NHS: variants seen among roughly 807,000 people sequenced by gnomAD.
NHS encodes the protein actin remodeling regulator NHS.
NHS carries 5 observed loss-of-function variants against 72.5 expected under a neutral mutation model. The ratio of observed to expected loss-of-function variants is 0.07; its 90% CI spans 0.04 to 0.14. The LOEUF (loss-of-function observed/expected upper bound fraction) is 0.14. NHS is among the 10% of genes least tolerant of loss of function. The pLI is 1.00. For synonymous variants in NHS, 464 were observed against 547.7 expected, an observed-to-expected ratio of 0.85 and a Z score of 2.13; for missense variants, 1,072 against 1,355.7, an observed-to-expected ratio of 0.79 and a Z score of 3.29.
chrX:17,718,703 A>T (rs1267750355), intron 3 of NHS, among the ~76,000 whole-genome samples: 1 of 93,238 alleles, frequency 1.1e-5, no homozygotes, highest in Non-Finnish European at 2.1e-5. Context: ...GAAGGAAGGG[A>T]GGGAGGCAAG....
chrX:17,664,902 G>A (rs1404354084), intron 1 of NHS, among the ~76,000 whole-genome samples: 2 of 111,300 alleles, frequency 1.8e-5, no homozygotes, highest in East Asian at 5.6e-4. Flanking sequence ...AGATTTTAGT[G>A]TAGAGGACTT....
At chrX:17,518,232 C>T (rs2065129950) in intron 1 of NHS, among the ~76,000 whole-genome samples, 1 of 112,015 alleles carries the variant, frequency 8.9e-6, no homozygotes, top group Non-Finnish European at 1.9e-5. Flanking sequence ...CACAACCCTT[C>T]TGCTCACACT....
intron 1 of NHS, among the ~76,000 whole-genome samples, chrX:17,435,390 G>A (rs1398588353): frequency 9.0e-6 from 1 of 111,321 alleles, no homozygotes; most frequent in Admixed American, 9.5e-5. Context: ...GGGGAGCAGG[G>A]CAAAAGGGGG....
chrX:17,635,654 G>A, intron 1 of NHS: 1 of 1,103,311 alleles, frequency 9.1e-7, no homozygotes, highest in Non-Finnish European at 1.2e-6. Context: ...GGGAGGCTGG[G>A]TCTAACGAAG....
At chrX:17,492,533 T>G (rs980840176) in intron 1 of NHS, among the ~76,000 whole-genome samples, 1 of 112,322 alleles carries the variant, frequency 8.9e-6, no homozygotes, top group African/African-American at 3.2e-5. Flanking sequence ...TTGCATTTGC[T>G]GAGGAGTGTT....
chrX:17,723,726 GGT>G (rs3222310), intron 5 of NHS, among the ~76,000 whole-genome samples: 1,432 of 71,043 alleles, frequency 0.02, 13 homozygotes, highest in East Asian at 0.035. Context: ...CAGCAAAAGA[GGT>G]GTGTGTGTGT....
At chrX:17,402,983 T>G (rs1332008387) in intron 1 of NHS, among the ~76,000 whole-genome samples, 1 of 112,050 alleles carries the variant, frequency 8.9e-6, no homozygotes, top group Non-Finnish European at 1.9e-5. Context: ...AAGAAAACTT[T>G]ATTTCTCTCA....
rs186667768 is a variant in NHS at position 17,584,461 on chromosome X, C to T, written c.566-103281C>T. The stretch of plus-strand genomic sequence containing the variant: ...TGGTGTTTGTTCACCATCAGTGTCT[C>T]GTGGCAGCTGCCACACAAAGTTCTG... On this transcript the variant is annotated intron_variant, in intron 1 of 8. Coordinates refer to ENST00000676302, the MANE Select transcript of NHS (RefSeq NM_001291867.2). Among the ~76,000 whole-genome samples the T allele has an allele frequency of 1.4e-4, 16 of 112,092 alleles. No homozygotes were observed. In the East Asian group the frequency reaches 3.4e-3, roughly 24 times the overall value.
chrX:17,689,027 C>G (rs889923703), intron 2 of NHS, among the ~76,000 whole-genome samples: 2 of 112,167 alleles, frequency 1.8e-5, no homozygotes, highest in African/African-American at 6.5e-5. Context: ...TAAGAAATGG[C>G]ATTTTGCAAA....
chrX:17,610,109 C>T (rs1009827217), intron 1 of NHS, among the ~76,000 whole-genome samples: 5 of 111,953 alleles, frequency 4.5e-5, no homozygotes, highest in African/African-American at 1.6e-4. Flanking sequence ...ACTGGCTTTC[C>T]TTATTTGTTA....
At chrX:17,541,517 A>G (rs2065262664) in intron 1 of NHS, among the ~76,000 whole-genome samples, 1 of 111,524 alleles carries the variant, frequency 9.0e-6, no homozygotes, top group South Asian at 3.7e-4. Context: ...TAAACCTGTA[A>G]ATTGAATGTT....
chrX:17,482,385 T>G (rs2064949577), intron 1 of NHS, among the ~76,000 whole-genome samples: 1 of 112,288 alleles, frequency 8.9e-6, no homozygotes, highest in Non-Finnish European at 1.9e-5. Flanking sequence ...CCATTTCCTC[T>G]GCAATGCTTC....
intron 1 of NHS, among the ~76,000 whole-genome samples, chrX:17,411,605 T>C (rs2064558908): frequency 8.9e-6 from 1 of 112,152 alleles, no homozygotes; most frequent in Non-Finnish European, 1.9e-5. Context: ...ATTTAGATTT[T>C]TTTTAAAAAA....
chrX:17,516,638 G>T (rs915517349), intron 1 of NHS, among the ~76,000 whole-genome samples: 1 of 106,574 alleles, frequency 9.4e-6, no homozygotes, highest in Non-Finnish European at 1.9e-5. Flanking sequence ...TGTTACCAAT[G>T]TGTTATTTTC....
chrX:17,586,220 C>G (rs965127463), intron 1 of NHS: 1 of 111,231 alleles, frequency 9.0e-6, no homozygotes, highest in Non-Finnish European at 1.9e-5. Flanking sequence ...GGTCTGAGAG[C>G]AGTGACAATG....
chrX:17,724,578 T>C (rs762213607), intron 6 of NHS, 148 bp downstream of exon 6: 20 of 788,336 alleles, frequency 2.5e-5, no homozygotes, highest in Non-Finnish European at 3.5e-5. Flanking sequence ...CCAGGTGGTA[T>C]TACTTTTTAA....
intron 1 of NHS, among the ~76,000 whole-genome samples, chrX:17,601,308 A>C (rs1255171022): frequency 8.9e-6 from 1 of 112,115 alleles, no homozygotes; most frequent in Non-Finnish European, 1.9e-5. Flanking sequence ...TGTTTTGCGA[A>C]ATCATGGAGA....
intron 1 of NHS, among the ~76,000 whole-genome samples, chrX:17,631,814 A>C (rs1601808643): frequency 8.9e-6 from 1 of 112,144 alleles, no homozygotes; most frequent in Non-Finnish European, 1.9e-5. Context: ...CTTGTGTAAA[A>C]GAAGTTAAAG....
At chrX:17,540,383 G>A (rs937744012) in intron 1 of NHS, among the ~76,000 whole-genome samples, 5 of 112,043 alleles carry the variant, frequency 4.5e-5, no homozygotes, top group Non-Finnish European at 7.5e-5. Context: ...CTTGACCTGG[G>A]TTCTTTAGAA....
Sources: allele counts gnomAD v4.1 joint callset (sites outside exome capture counted in the v4.1 genomes callset), GRCh38; gene constraint gnomAD v4.1.1; transcripts MANE v1.5; gene names NCBI Gene and HGNC (gene_info 2026-07-23, HGNC 2026-07-21).